REV1: variants seen among roughly 807,000 people sequenced by gnomAD.
REV1 encodes the protein translesion synthesis protein REV1.
REV1 carries 42 observed loss-of-function variants against 137.4 expected under a neutral mutation model. That is an observed-to-expected ratio of 0.31 (90% CI 0.24 to 0.40). The LOEUF is 0.40. REV1 is among the 10% of genes least tolerant of loss of function. REV1 has a pLI of 1.00. For missense variants in REV1, 1,282 were observed against 1,490.1 expected, an observed-to-expected ratio of 0.86 and a Z score of 2.30; for synonymous variants, 524 against 519.2, an observed-to-expected ratio of 1.01 and a Z score of -0.12.
At chr2:99,478,269 T>G (rs1016968553) in intron 1 of REV1, among the ~76,000 whole-genome samples, 2 of 152,166 alleles carry the variant, frequency 1.3e-5, no homozygotes, top group Admixed American at 6.5e-5. Flanking sequence ...AACTGCCTTC[T>G]CTAGTTTTCC....
intron 11 of REV1, among the ~76,000 whole-genome samples, chr2:99,419,981 G>A (rs1403118088): frequency 6.6e-6 from 1 of 152,184 alleles, no homozygotes; most frequent in Non-Finnish European, 1.5e-5. Context: ...AAGGCACTGA[G>A]GAGTGGAAAT....
intron 1 of REV1, among the ~76,000 whole-genome samples, chr2:99,477,436 G>T (rs1239430613): frequency 6.6e-6 from 1 of 152,120 alleles, no homozygotes; most frequent in Non-Finnish European, 1.5e-5. Context: ...AAAACACTGA[G>T]GTGCTCACCT....
chr2:99,485,054 C>T (rs569456360), intron 1 of REV1, among the ~76,000 whole-genome samples: 1 of 152,060 alleles, frequency 6.6e-6, no homozygotes. Flanking sequence ...AGCAGCAGCC[C>T]TTTGACTTTT....
chr2:99,459,034 C>T (rs537168679), intron 3 of REV1, among the ~76,000 whole-genome samples: 2 of 152,130 alleles, frequency 1.3e-5, no homozygotes, highest in Admixed American at 6.5e-5. Flanking sequence ...CGGTGAAACC[C>T]CGTCTCTACT....
At chr2:99,406,157 C>T (rs772902750) in intron 16 of REV1, 51 bp from the exon 17 acceptor site, 2 of 1,470,590 alleles carry the variant, frequency 1.4e-6, no homozygotes, top group Admixed American at 4.3e-5. Context: ...CGGGCAGGGC[C>T]TTTAATCCTC....
intron 12 of REV1, among the ~76,000 whole-genome samples, chr2:99,414,564 A>G (rs144718045): frequency 0.013 from 1,994 of 152,378 alleles, 44 homozygotes; most frequent in African/African-American, 0.045. Flanking sequence ...AAGGGAATAG[A>G]CAAATTACAT....
At chr2:99,489,609 G>A (rs1244494897) in intron 1 of REV1, among the ~76,000 whole-genome samples, 3 of 149,028 alleles carry the variant, frequency 2.0e-5, no homozygotes, top group African/African-American at 7.3e-5. Context: ...ATAACCCGGC[G>A]GCTGCGAGCG....
At chr2:99,401,885 G>A (rs1675498734) in intron 22 of REV1, among the ~76,000 whole-genome samples, 1 of 125,056 alleles carries the variant, frequency 8.0e-6, no homozygotes, top group Admixed American at 8.7e-5. Context: ...GACCACAGGT[G>A]GGCACCACCA....
At chr2:99,406,521 G>A (rs1474638497) in intron 15 of REV1, 31 bp from the exon 16 acceptor site, 2 of 1,510,164 alleles carry the variant, frequency 1.3e-6, no homozygotes, top group Non-Finnish European at 1.8e-6. Context: ...TATGCTTCTA[G>A]GAAAACTAAA....
rs540142956 is a variant in REV1, at chr2:99,465,184, A to G, written c.-10-199T>C. On this transcript the variant is annotated intron_variant, in intron 1 of 22. Coordinates refer to ENST00000258428, the MANE Select transcript of REV1 (RefSeq NM_016316.4). ...AAATTTGTCTATAAAACACCCTCCT[A>G]CACATGTTTAAATTGTAACTCTTAT... Among the ~76,000 whole-genome samples the G allele has an allele frequency of 6.1e-4, 89 of 146,110 alleles. 1 individual carries two copies. The highest frequency in any genetic ancestry group is 1.0e-3 in the Non-Finnish European group (69 of 66,724).
intron 12 of REV1, among the ~76,000 whole-genome samples, chr2:99,413,986 CTATAAAA>C (rs1382626983): frequency 6.6e-6 from 1 of 152,016 alleles, no homozygotes; most frequent in African/African-American, 2.4e-5. Flanking sequence ...TAGACCGTCT[CTATAAAA>C]TAGAAAAAAG....
chr2:99,468,177 T>A lies in REV1; in HGVS notation c.-10-3192A>T, dbSNP rs187869497. On this transcript the variant is annotated intron_variant, in intron 1 of 22. Coordinates refer to ENST00000258428, the MANE Select transcript of REV1 (RefSeq NM_016316.4). ...CCTGGGCAACAAGAGCGAAACTCCA[T>A]CTCAAAAAAAAAAAAAAGAAAGAAA... Among the ~76,000 whole-genome samples the A allele has an allele frequency of 8.9e-4, 82 of 91,760 alleles. 1 individual carries two copies. In the East Asian group the frequency reaches 0.01, roughly 11 times the overall value. The allele number at this position is 91,760 out of a possible 152,430, so 60.2% of individuals were successfully genotyped here.
In REV1 at chr2:99,439,110, G is replaced by A. The variant is rs774470983; in HGVS notation, c.704C>T (p.Ala235Val). The change falls in exon 6 of 23, where the codon GCC becomes GTC. Residue 235 changes from alanine to valine, a missense_variant. Ala to Val is a moderately conservative substitution (Grantham distance 64). Around this residue, in one of 7 missense-constraint regions of REV1, gnomAD observed 432 missense variants for 438.0 expected, o/e 0.99. Coordinates refer to ENST00000258428, the MANE Select transcript of REV1 (RefSeq NM_016316.4). ...FNGHTPSSNG[A>V]LKTQDCLVPM... is the part of the protein sequence containing the mutation. ...CACCAAGCAATCCTGTGTCTTTAAG[G>A]CACCATTAGAGCTAGGAGTGTGTCC... 1.4e-5 allele frequency: 22 copies of A among 1,613,970 alleles called. No individual in the cohort carries two copies. Among genetic ancestry groups the A allele is most frequent in the Middle Eastern group, 3.3e-4 (2 of 6,080 alleles).
intron 1 of REV1, among the ~76,000 whole-genome samples, chr2:99,482,067 T>C (rs909088133): frequency 2.0e-5 from 3 of 152,170 alleles, no homozygotes; most frequent in African/African-American, 7.2e-5. Context: ...ATGCCAACCA[T>C]GTGAATAGTG....
At chr2:99,476,845 G>A (rs767670678) in intron 1 of REV1, among the ~76,000 whole-genome samples, 17 of 152,176 alleles carry the variant, frequency 1.1e-4, no homozygotes, top group Admixed American at 3.3e-4. Flanking sequence ...AGTTGGCACC[G>A]TCCATAACTT....
intron 6 of REV1, chr2:99,436,622 A>C (rs1680787010): frequency 6.6e-6 from 1 of 152,282 alleles, no homozygotes; most frequent in Non-Finnish European, 1.5e-5. Flanking sequence ...ACCACATTTA[A>C]GGAGATAAAG....
At chr2:99,460,242 A>G (rs1684030687) in intron 3 of REV1, among the ~76,000 whole-genome samples, 1 of 152,002 alleles carries the variant, frequency 6.6e-6, no homozygotes, top group Non-Finnish European at 1.5e-5. Flanking sequence ...ACGCCCAGCT[A>G]ATTTTTGTAT....
intron 1 of REV1, among the ~76,000 whole-genome samples, chr2:99,487,224 G>T (rs1354966643): frequency 1.3e-5 from 2 of 152,322 alleles, no homozygotes; most frequent in South Asian, 4.1e-4. Flanking sequence ...AAGAGGTAAC[G>T]TTAGAAGCTG....
intron 14 of REV1, 98 bp downstream of exon 14, chr2:99,410,597 C>A (rs1434285363): frequency 9.2e-7 from 1 of 1,088,704 alleles, no homozygotes; most frequent in South Asian, 1.6e-5. Flanking sequence ...GTTTACAGGT[C>A]TTTATTCAAA....
Sources: allele counts gnomAD v4.1 joint callset (sites outside exome capture counted in the v4.1 genomes callset), GRCh38; gene constraint gnomAD v4.1.1; regional missense constraint gnomAD v4.1.1; transcripts MANE v1.5; gene names NCBI Gene and HGNC (gene_info 2026-07-23, HGNC 2026-07-21).